The following LDLRAD4 variants were observed in gnomAD, a reference collection of about 807,000 sequenced individuals.
The protein encoded by LDLRAD4 is low-density lipoprotein receptor class A domain-containing protein 4.
A neutral mutation model predicts 17.0 loss-of-function variants in LDLRAD4; 5 were observed. The ratio of observed to expected loss-of-function variants is 0.29; its 90% CI spans 0.15 to 0.62. The LOEUF (loss-of-function observed/expected upper bound fraction) is 0.62, where lower values mean the gene tolerates loss of function less well. LDLRAD4 is among the 20% of genes least tolerant of loss of function. The probability of loss-of-function intolerance (pLI) is 0.84; values close to 1 mark genes in which losing one functional copy is unlikely to be tolerated. For synonymous variants in LDLRAD4, 168 were observed against 171.8 expected, an observed-to-expected ratio of 0.98 and a Z score of 0.17; for missense variants, 340 against 424.7, an observed-to-expected ratio of 0.80 and a Z score of 1.75.
At chr18:13,347,055 C>T (rs1568032947) in intron 1 of LDLRAD4, among the ~76,000 whole-genome samples, 1 of 152,120 alleles carries the variant, frequency 6.6e-6, no homozygotes, top group Non-Finnish European at 1.5e-5. Flanking sequence ...TTAACTGGAG[C>T]ATTTAGTTCA....
chr18:13,499,074 A>G (rs1244845527), intron 3 of LDLRAD4, among the ~76,000 whole-genome samples: 1 of 143,294 alleles, frequency 7.0e-6, no homozygotes, highest in Non-Finnish European at 1.5e-5. Context: ...CTCGCCATAC[A>G]CATCCCGCCG....
chr18:13,472,534 G>A (rs925856712), intron 3 of LDLRAD4: 1 of 152,220 alleles, frequency 6.6e-6, no homozygotes, highest in East Asian at 1.9e-4. Context: ...CCAGGTCTGA[G>A]GGTTTGGGCG....
At chr18:13,330,025 C>T (rs898872039) in intron 1 of LDLRAD4, among the ~76,000 whole-genome samples, 4 of 151,420 alleles carry the variant, frequency 2.6e-5, no homozygotes, top group Admixed American at 6.6e-5. Flanking sequence ...GCGCGATCTC[C>T]GCTCACTGCA....
At chr18:13,570,864 C>A (rs995284859) in intron 3 of LDLRAD4, among the ~76,000 whole-genome samples, 2 of 152,096 alleles carry the variant, frequency 1.3e-5, no homozygotes. Context: ...TGTCACCCAG[C>A]CTGGAGTGCA....
intron 3 of LDLRAD4, chr18:13,471,298 C>G (rs1399137215): frequency 7.0e-6 from 1 of 142,512 alleles, no homozygotes; most frequent in Non-Finnish European, 1.6e-5. Flanking sequence ...ACTGGCTGTA[C>G]CTTTGCCCTG....
At chr18:13,246,111 A>ATT (rs1365888043) in intron 1 of LDLRAD4, among the ~76,000 whole-genome samples, 1 of 152,240 alleles carries the variant, frequency 6.6e-6, no homozygotes, top group Non-Finnish European at 1.5e-5. Flanking sequence ...GGGTCCCTGT[A>ATT]TTTTTAGAGG....
At chr18:13,449,651 G>T (rs1010025264) in intron 3 of LDLRAD4, among the ~76,000 whole-genome samples, 5 of 152,246 alleles carry the variant, frequency 3.3e-5, no homozygotes, top group African/African-American at 9.6e-5. Context: ...CTGCCATGGC[G>T]CTATCTCCTT....
chr18:13,451,828 T>G (rs1420347188), intron 3 of LDLRAD4, among the ~76,000 whole-genome samples: 2 of 152,230 alleles, frequency 1.3e-5, no homozygotes, highest in African/African-American at 4.8e-5. Flanking sequence ...TCTGCCTTCA[T>G]GACTGAATGC....
intron 1 of LDLRAD4, among the ~76,000 whole-genome samples, chr18:13,319,105 T>A (rs1264526716): frequency 1.3e-5 from 2 of 152,220 alleles, no homozygotes; most frequent in Non-Finnish European, 2.9e-5. Flanking sequence ...CTGCAGCTCT[T>A]ATTTCTCATG....
chr18:13,594,189 G>A (rs2095063035), intron 3 of LDLRAD4, among the ~76,000 whole-genome samples: 2 of 152,152 alleles, frequency 1.3e-5, no homozygotes, highest in African/African-American at 2.4e-5. Context: ...TAGAGGTAGA[G>A]CAGGTGTGTG....
chr18:13,338,820 G>T (rs2082231059), intron 1 of LDLRAD4, among the ~76,000 whole-genome samples: 1 of 152,178 alleles, frequency 6.6e-6, no homozygotes, highest in African/African-American at 2.4e-5. Context: ...TCAGGGTGCA[G>T]AAGAGAGGGA....
At chr18:13,424,256 G>A (rs2089741739) in intron 2 of LDLRAD4, among the ~76,000 whole-genome samples, 1 of 152,168 alleles carries the variant, frequency 6.6e-6, no homozygotes, top group South Asian at 2.1e-4. Flanking sequence ...AATATTTAAT[G>A]GCTTTACACG....
At chr18:13,607,833 C>T (rs996464628) in intron 3 of LDLRAD4, among the ~76,000 whole-genome samples, 1 of 152,168 alleles carries the variant, frequency 6.6e-6, no homozygotes, top group African/African-American at 2.4e-5. Flanking sequence ...ATTTTCTTTA[C>T]CTGGTCTATC....
chr18:13,611,718 A>G (rs762229973), intron 3 of LDLRAD4: 19 of 985,392 alleles, frequency 1.9e-5, no homozygotes, highest in Non-Finnish European at 2.3e-5. Flanking sequence ...TTTTTGTGCT[A>G]CCATACATGG....
intron 4 of LDLRAD4, among the ~76,000 whole-genome samples, chr18:13,639,853 G>C (rs2042375748): frequency 6.6e-6 from 1 of 152,136 alleles, no homozygotes; most frequent in South Asian, 2.1e-4. Context: ...CCTCAATAAA[G>C]CTGGAAAAAA....
At chr18:13,461,841 C>T (rs770723194) in intron 3 of LDLRAD4, among the ~76,000 whole-genome samples, 4 of 152,290 alleles carry the variant, frequency 2.6e-5, no homozygotes, top group Non-Finnish European at 5.9e-5. Flanking sequence ...AGACTTGGCC[C>T]CTGACCAGCC....
chr18:13,230,836 C>T (rs1266658804), intron 1 of LDLRAD4, among the ~76,000 whole-genome samples: 2 of 152,248 alleles, frequency 1.3e-5, no homozygotes, highest in Non-Finnish European at 2.9e-5. Context: ...CTAGGCTCCT[C>T]TTTCTGGTCC....
intron 3 of LDLRAD4, among the ~76,000 whole-genome samples, chr18:13,554,648 T>C (rs1011145833): frequency 6.6e-6 from 1 of 152,224 alleles, no homozygotes; most frequent in Non-Finnish European, 1.5e-5. Flanking sequence ...TGCCCTTTAA[T>C]AATATTTTAT....
intron 3 of LDLRAD4, among the ~76,000 whole-genome samples, chr18:13,493,187 G>A (rs925669509): frequency 6.6e-6 from 1 of 152,220 alleles, no homozygotes; most frequent in African/African-American, 2.4e-5. Context: ...CTACAGCCAA[G>A]AAGTTACATT....
Sources: gnomAD v4.1 joint callset for allele counts (sites outside exome capture counted in the v4.1 genomes callset) on GRCh38, gnomAD v4.1.1 for gene constraint, MANE v1.5 for transcripts, NCBI Gene and HGNC (gene_info 2026-07-23, HGNC 2026-07-21) for gene names.